Variants in NALF1 observed in about 807,000 individuals in gnomAD.
NALF1 encodes NALCN channel auxiliary factor 1.
In NALF1, 3 loss-of-function variants were observed where a neutral mutation model predicts 48.4. That is an observed-to-expected ratio of 0.06 (90% CI 0.03 to 0.16). The LOEUF is 0.16. Among genes scored for constraint, NALF1 ranks in the 10% least tolerant of loss-of-function variants. The probability of loss-of-function intolerance (pLI) is 1.00; values close to 1 mark genes in which losing one functional copy is unlikely to be tolerated. For synonymous variants in NALF1, 262 were observed against 245.7 expected (o/e 1.07, Z -0.62); for missense variants, 526 against 571.5 (o/e 0.92, Z 0.81).
intron 1 of NALF1, among the ~76,000 whole-genome samples, chr13:107,440,318 C>T (rs1227993678): frequency 3.9e-5 from 6 of 152,094 alleles, no homozygotes; most frequent in Admixed American, 1.3e-4. Flanking sequence ...ATGAGAGAAA[C>T]GTATTAACTA....
chr13:107,183,888 A>C (rs2138777589), intron 2 of NALF1, among the ~76,000 whole-genome samples: 1 of 152,238 alleles, frequency 6.6e-6, no homozygotes, highest in Admixed American at 6.5e-5. Context: ...GAAATACCTA[A>C]TGTAGATGAC....
At chr13:107,289,951 C>T (rs1036135346) in intron 1 of NALF1, among the ~76,000 whole-genome samples, 2 of 152,114 alleles carry the variant, frequency 1.3e-5, no homozygotes, top group African/African-American at 4.8e-5. Flanking sequence ...CTGTGAGAAC[C>T]TGTTGAGTCT....
intron 1 of NALF1, among the ~76,000 whole-genome samples, chr13:107,673,331 T>C (rs1881035563): frequency 1.3e-5 from 2 of 152,138 alleles, no homozygotes; most frequent in Non-Finnish European, 2.9e-5. Flanking sequence ...ATACCCCTCT[T>C]ATAGCCAGGG....
At chr13:107,791,784 C>T (rs11840762) in intron 1 of NALF1, among the ~76,000 whole-genome samples, 5 of 151,794 alleles carry the variant, frequency 3.3e-5, no homozygotes, top group East Asian at 3.9e-4. Flanking sequence ...TCCCCGCCCC[C>T]CCCCGTCTCT....
intron 1 of NALF1, among the ~76,000 whole-genome samples, chr13:107,775,172 A>C (rs1055249127): frequency 4.0e-5 from 6 of 151,484 alleles, no homozygotes; most frequent in Non-Finnish European, 7.4e-5. Context: ...GTCATCTAGC[A>C]TTAGGTATAT....
intron 1 of NALF1, among the ~76,000 whole-genome samples, chr13:107,245,533 T>C (rs1220359498): frequency 6.6e-6 from 1 of 152,198 alleles, no homozygotes; most frequent in Non-Finnish European, 1.5e-5. Context: ...AAATCCTTAC[T>C]GTAAAATAAG....
At chr13:107,234,615 C>T (rs1299878358) in intron 1 of NALF1, among the ~76,000 whole-genome samples, 3 of 152,074 alleles carry the variant, frequency 2.0e-5, no homozygotes, top group African/African-American at 7.2e-5. Context: ...ATCATCTGCT[C>T]TCCCTCACCA....
intron 1 of NALF1, among the ~76,000 whole-genome samples, chr13:107,290,186 A>AC (rs1491377215): frequency 7.0e-6 from 1 of 143,812 alleles, no homozygotes; most frequent in Non-Finnish European, 1.5e-5. Flanking sequence ...AAAAAAAAAA[A>AC]CAAAAAAAAA....
At chr13:107,411,466 C>T (rs1251669718) in intron 1 of NALF1, among the ~76,000 whole-genome samples, 2 of 151,932 alleles carry the variant, frequency 1.3e-5, no homozygotes, top group African/African-American at 4.8e-5. Flanking sequence ...CATGAGCTTC[C>T]CAGCTGAAAT....
rs1416380828 is a variant in NALF1, at chr13:107,514,875, G to T, written c.916-304120C>A. On this transcript the variant is annotated intron_variant, in intron 1 of 2. Coordinates refer to ENST00000375915, the MANE Select transcript of NALF1 (RefSeq NM_001080396.3). ...GCAAAACAGCAGTCAAGCTAGTAAA[G>T]TATAGTTTGTTGGTAGGCAGCAGAG... Among the ~76,000 whole-genome samples the T allele has an allele frequency of 2.0e-5, 3 of 152,138 alleles. No individual in the cohort carries two copies. In the East Asian group the frequency reaches 5.8e-4, roughly 29 times the overall value.
chr13:107,609,199 C>A (rs1426671961), intron 1 of NALF1, among the ~76,000 whole-genome samples: 1 of 152,242 alleles, frequency 6.6e-6, no homozygotes, highest in Non-Finnish European at 1.5e-5. Flanking sequence ...GGCTAGAAGG[C>A]CAGAGGGGCT....
chr13:107,848,780 C>T (rs1880238590), intron 1 of NALF1, among the ~76,000 whole-genome samples: 1 of 152,108 alleles, frequency 6.6e-6, no homozygotes, highest in Non-Finnish European at 1.5e-5. Flanking sequence ...AAATGTCTGA[C>T]CTGTCATATT....
intron 1 of NALF1, among the ~76,000 whole-genome samples, chr13:107,331,424 G>A (rs2138924348): frequency 6.6e-6 from 1 of 152,310 alleles, no homozygotes; most frequent in African/African-American, 2.4e-5. Context: ...CAGAGGTCAT[G>A]AACCATAGAG....
intron 1 of NALF1, among the ~76,000 whole-genome samples, chr13:107,361,783 A>G (rs1883064802): frequency 6.6e-6 from 1 of 152,228 alleles, no homozygotes; most frequent in South Asian, 2.1e-4. Context: ...ATTATCAAAT[A>G]CAGTCAGCTT....
intron 1 of NALF1, among the ~76,000 whole-genome samples, chr13:107,491,802 A>C (rs989297050): frequency 2.6e-5 from 4 of 152,210 alleles, no homozygotes; most frequent in African/African-American, 9.7e-5. Flanking sequence ...GTGCACATTT[A>C]ATTCTTAGAA....
rs73585669 is a variant in NALF1 at position 107,785,592 on chromosome 13, T to C, written c.915+80090A>G. Among the ~76,000 whole-genome samples, 5 of 152,184 alleles carry C rather than the reference T, an allele frequency of 3.3e-5. No homozygotes were observed. In the South Asian group the frequency reaches 1.0e-3, roughly 32 times the overall value. ...ACAGATAAAAGATTACAAATAGCAT[T>C]GAGTGTATACTACCTGGGTTATGGG... is the stretch of plus-strand genomic sequence containing the variant. On this transcript the variant is annotated intron_variant, in intron 1 of 2. Coordinates refer to ENST00000375915, the MANE Select transcript of NALF1 (RefSeq NM_001080396.3).
intron 1 of NALF1, among the ~76,000 whole-genome samples, chr13:107,296,883 G>A (rs1881736827): frequency 1.3e-5 from 2 of 152,006 alleles, no homozygotes; most frequent in Admixed American, 1.3e-4. Flanking sequence ...GAATGTCAAG[G>A]CAGAATCAAC....
chr13:107,190,380 C>G (rs545723218), intron 2 of NALF1, among the ~76,000 whole-genome samples: 2 of 152,164 alleles, frequency 1.3e-5, no homozygotes, highest in East Asian at 3.9e-4. Flanking sequence ...TGTACACTCA[C>G]GCATACACAG....
intron 1 of NALF1, among the ~76,000 whole-genome samples, chr13:107,284,462 A>G (rs1881451657): frequency 6.6e-6 from 1 of 152,216 alleles, no homozygotes; most frequent in South Asian, 2.1e-4. Flanking sequence ...AGCTAAAGGA[A>G]GCCAGGAACA....
Sources: gnomAD v4.1 joint callset for allele counts (sites outside exome capture counted in the v4.1 genomes callset) on GRCh38, gnomAD v4.1.1 for gene constraint, MANE v1.5 for transcripts, NCBI Gene and HGNC (gene_info 2026-07-23, HGNC 2026-07-21) for gene names.